The following NRXN1 variants were observed in gnomAD, a reference collection of about 807,000 sequenced individuals.
The protein encoded by NRXN1 is neurexin 1.
NRXN1 carries 39 observed loss-of-function variants against 150.9 expected under a neutral mutation model. The ratio of observed to expected loss-of-function variants is 0.26; its 90% CI spans 0.20 to 0.34. NRXN1 has a LOEUF of 0.34. Ranked by LOEUF, NRXN1 falls within the 10% of genes least tolerant of loss-of-function variation. The probability of loss-of-function intolerance (pLI) is 1.00; values close to 1 mark genes in which losing one functional copy is unlikely to be tolerated. For missense variants in NRXN1, 1,815 were observed against 1,949.9 expected (o/e 0.93, Z 1.30); for synonymous variants, 924 against 757.0 (o/e 1.22, Z -3.62).
chr2:50,329,406 G>C (rs1319344443), intron 17 of NRXN1, among the ~76,000 whole-genome samples: 1 of 150,904 alleles, frequency 6.6e-6, no homozygotes, highest in East Asian at 2.0e-4. Context: ...ATTGCAATCT[G>C]GGAGGCCCAT....
intron 18 of NRXN1, among the ~76,000 whole-genome samples, chr2:50,191,612 A>C (rs949212879): frequency 7.9e-5 from 12 of 152,164 alleles, no homozygotes; most frequent in African/African-American, 2.9e-4. Flanking sequence ...AGACTTGTCA[A>C]ATCAATAATC....
intron 18 of NRXN1, among the ~76,000 whole-genome samples, chr2:50,113,028 C>G (rs1266184891): frequency 6.6e-6 from 1 of 152,090 alleles, no homozygotes; most frequent in African/African-American, 2.4e-5. Context: ...CAAACCCTAC[C>G]TTCCCTTTGA....
At chr2:50,163,254 C>T (rs60500567) in intron 18 of NRXN1, among the ~76,000 whole-genome samples, 28,856 of 150,622 alleles carry the variant, frequency 0.19, 3,230 homozygotes, top group East Asian at 0.4. Context: ...GCTTCTTTAG[C>T]CTAGCAGACG....
intron 21 of NRXN1, among the ~76,000 whole-genome samples, chr2:49,958,094 A>G (rs1395930991): frequency 1.3e-5 from 2 of 152,170 alleles, no homozygotes; most frequent in Non-Finnish European, 2.9e-5. Flanking sequence ...AAAGCCCAGT[A>G]AAATCCAACC....
At chr2:50,384,352 A>T (rs1051550572) in intron 17 of NRXN1, among the ~76,000 whole-genome samples, 8 of 151,792 alleles carry the variant, frequency 5.3e-5, no homozygotes, top group Non-Finnish European at 1.2e-4. Context: ...TAAAAATACA[A>T]AAAGTTAGCC....
At chr2:50,354,720 T>C (rs971732271) in intron 17 of NRXN1, among the ~76,000 whole-genome samples, 5 of 151,742 alleles carry the variant, frequency 3.3e-5, no homozygotes, top group African/African-American at 9.7e-5. Flanking sequence ...GTCATCCAAA[T>C]AGTCACCATA....
At chr2:50,688,640 C>A (rs764358318) in intron 5 of NRXN1, among the ~76,000 whole-genome samples, 5 of 152,196 alleles carry the variant, frequency 3.3e-5, no homozygotes, top group Admixed American at 6.5e-5. Context: ...TAGGAGATAG[C>A]ATCCGTTATC....
At chr2:50,235,357 C>G (rs1302392374) in intron 18 of NRXN1, among the ~76,000 whole-genome samples, 3 of 151,960 alleles carry the variant, frequency 2.0e-5, no homozygotes, top group Non-Finnish European at 4.4e-5. Context: ...CCTGAAATTA[C>G]TTTTCCAGAG....
chr2:50,113,714 G>A (rs1276621180), intron 18 of NRXN1, among the ~76,000 whole-genome samples: 1 of 152,108 alleles, frequency 6.6e-6, no homozygotes, highest in Admixed American at 6.5e-5. Flanking sequence ...TATCTTTGAT[G>A]CTCACGTATA....
At chr2:50,258,037 T>C (rs1472605312) in intron 17 of NRXN1, among the ~76,000 whole-genome samples, 1 of 152,044 alleles carries the variant, frequency 6.6e-6, no homozygotes, top group Non-Finnish European at 1.5e-5. Flanking sequence ...TCTGAGCCTT[T>C]AGCAAGCTGT....
Position 50,783,907 on chromosome 2 carries a change from C to T in NRXN1, c.832+137962G>A, listed in dbSNP as rs552206197. On this transcript the variant is annotated intron_variant, in intron 5 of 22. Coordinates refer to ENST00000401669, the MANE Select transcript of NRXN1 (RefSeq NM_001330078.2). The stretch of plus-strand genomic sequence containing the variant: ...TGTCTTCTCCTTATTCCTGACCCTG[C>T]GCTTATACTTTGCCTAGCCTCATAT... Among the ~76,000 whole-genome samples the T allele has an allele frequency of 5.9e-4, 90 of 152,142 alleles. 1 individual carries two copies. Among genetic ancestry groups the T allele is most frequent in the African/African-American group, 1.9e-3 (80 of 41,546 alleles).
intron 2 of NRXN1, among the ~76,000 whole-genome samples, chr2:50,972,993 T>C (rs1695255332): frequency 6.6e-6 from 1 of 152,254 alleles, no homozygotes; most frequent in African/African-American, 2.4e-5. Flanking sequence ...CCTTTGGATC[T>C]AGGACTAAGA....
At chr2:50,071,283 G>T (rs1377880583) in intron 19 of NRXN1, among the ~76,000 whole-genome samples, 1 of 152,134 alleles carries the variant, frequency 6.6e-6, no homozygotes, top group Non-Finnish European at 1.5e-5. Flanking sequence ...CGCCACACAA[G>T]AACCCTACAC....
intron 21 of NRXN1, among the ~76,000 whole-genome samples, chr2:50,017,025 C>A (rs1686757419): frequency 6.6e-6 from 1 of 152,076 alleles, no homozygotes; most frequent in Non-Finnish European, 1.5e-5. Context: ...GTTCTTTTTT[C>A]TCCAGCTTTG....
chr2:50,162,333 T>C (rs2059412955), intron 18 of NRXN1, among the ~76,000 whole-genome samples: 1 of 152,142 alleles, frequency 6.6e-6, no homozygotes, highest in Non-Finnish European at 1.5e-5. Flanking sequence ...TTAAAACTCT[T>C]CATGGACCTT....
At chr2:50,492,342 G>T (rs1404979082) in intron 15 of NRXN1, among the ~76,000 whole-genome samples, 2 of 152,150 alleles carry the variant, frequency 1.3e-5, no homozygotes, top group African/African-American at 4.8e-5. Flanking sequence ...TGTCATGAGA[G>T]ATAAGCTGAA....
intron 2 of NRXN1, among the ~76,000 whole-genome samples, chr2:50,963,814 C>T (rs1693591866): frequency 1.3e-5 from 2 of 151,646 alleles, no homozygotes; most frequent in African/African-American, 4.8e-5. Flanking sequence ...AAATGCCTTT[C>T]TTCTGTGTAT....
At chr2:50,246,603 T>C (rs2066529501) in intron 17 of NRXN1, among the ~76,000 whole-genome samples, 1 of 151,988 alleles carries the variant, frequency 6.6e-6, no homozygotes, top group Admixed American at 6.6e-5. Flanking sequence ...CAGAAGGGAA[T>C]ATTAGTTTTT....
At chr2:50,954,800 CT>C (rs1208210766) in intron 2 of NRXN1, among the ~76,000 whole-genome samples, 2 of 152,158 alleles carry the variant, frequency 1.3e-5, no homozygotes, top group Non-Finnish European at 2.9e-5. Flanking sequence ...CACAGACGTC[CT>C]TATTACTAAA....
Sources: allele counts gnomAD v4.1 joint callset (sites outside exome capture counted in the v4.1 genomes callset), GRCh38; gene constraint gnomAD v4.1.1; transcripts MANE v1.5; gene names NCBI Gene and HGNC (gene_info 2026-07-23, HGNC 2026-07-21).